The following GCNT1 variants were observed in gnomAD, a reference collection of about 807,000 sequenced individuals.
GCNT1 encodes the protein glucosaminyl (N-acetyl) transferase 1, also known as beta-1,3-galactosyl-O-glycosyl-glycoprotein beta-1,6-N-acetylglucosaminyltransferase.
A neutral mutation model predicts 26.2 loss-of-function variants in GCNT1; 16 were observed. The ratio of observed to expected loss-of-function variants is 0.61; its 90% CI spans 0.41 to 0.93. The LOEUF (loss-of-function observed/expected upper bound fraction) is 0.93. Ranked by LOEUF, GCNT1 falls within the 40% of genes least tolerant of loss-of-function variation. GCNT1 has a pLI of 0.00. For synonymous variants in GCNT1, 183 were observed against 190.8 expected (o/e 0.96, Z 0.34); for missense variants, 477 against 526.7 (o/e 0.91, Z 0.92).
chr9:76,404,658 C>A, the GCNT1 span, among the ~76,000 whole-genome samples: 1 of 152,064 alleles, frequency 6.6e-6, no homozygotes, highest in African/African-American at 2.4e-5. Context: ...AGAAGCTGGG[C>A]ATGATATAAG....
At chr9:76,431,332 C>T (rs1335946694) in intron 1 of GCNT1, among the ~76,000 whole-genome samples, 1 of 152,228 alleles carries the variant, frequency 6.6e-6, no homozygotes, top group African/African-American at 2.4e-5. Flanking sequence ...CATCCATACT[C>T]TGACCTACTC....
At chr9:76,399,274 C>T in the GCNT1 span, 2 of 1,438,950 alleles carry the variant, frequency 1.4e-6, no homozygotes, top group East Asian at 2.3e-5. Flanking sequence ...TTTCCTATGA[C>T]CACCCGTGGG....
chr9:76,480,821 T>C (rs1016190777), intron 2 of GCNT1, among the ~76,000 whole-genome samples: 1 of 152,236 alleles, frequency 6.6e-6, no homozygotes, highest in African/African-American at 2.4e-5. Context: ...TTCTTCTGTA[T>C]GTAAACTACA....
intron 2 of GCNT1, among the ~76,000 whole-genome samples, chr9:76,486,669 GAA>G (rs1423733378): frequency 1.3e-5 from 2 of 151,780 alleles, no homozygotes; most frequent in Non-Finnish European, 2.9e-5. Flanking sequence ...AGCCTTTTTT[GAA>G]AAATTGCTTA....
intron 2 of GCNT1, among the ~76,000 whole-genome samples, chr9:76,471,610 C>G (rs765554462): frequency 3.3e-5 from 5 of 152,062 alleles, no homozygotes; most frequent in Non-Finnish European, 7.4e-5. Flanking sequence ...AGAGGCATGG[C>G]TATAAAAATA....
the GCNT1 span, among the ~76,000 whole-genome samples, chr9:76,407,095 A>G: frequency 6.6e-6 from 1 of 151,918 alleles, no homozygotes; most frequent in East Asian, 1.9e-4. Context: ...ATTTTCTCCT[A>G]TGTTATCTTC....
intron 1 of GCNT1, among the ~76,000 whole-genome samples, chr9:76,429,187 T>C (rs1018215186): frequency 1.3e-5 from 2 of 152,188 alleles, no homozygotes; most frequent in Non-Finnish European, 2.9e-5. Context: ...CACTATAATA[T>C]ACATTTCTTC....
At chr9:76,453,573 T>G (rs1823706844) in intron 1 of GCNT1, among the ~76,000 whole-genome samples, 1 of 152,160 alleles carries the variant, frequency 6.6e-6, no homozygotes, top group South Asian at 2.1e-4. Context: ...ATGGCATTAG[T>G]GGATAGTCAG....
chr9:76,452,038 G>A (rs1823676351), intron 1 of GCNT1, among the ~76,000 whole-genome samples: 2 of 142,810 alleles, frequency 1.4e-5, no homozygotes, highest in South Asian at 4.4e-4. Context: ...GTGTGATCTC[G>A]GCTTACTGCA....
At chr9:76,396,296 CGT>C in the GCNT1 span, among the ~76,000 whole-genome samples, 1 of 152,138 alleles carries the variant, frequency 6.6e-6, no homozygotes, top group Non-Finnish European at 1.5e-5. Flanking sequence ...TTAACCTAAA[CGT>C]ATAAAAATGG....
chr9:76,413,246 C>A, the GCNT1 span, among the ~76,000 whole-genome samples: 1 of 152,184 alleles, frequency 6.6e-6, no homozygotes, highest in African/African-American at 2.4e-5. Flanking sequence ...ATAAACTGGA[C>A]ACAGGTCAGA....
chr9:76,455,518 G>A (rs1013730844), upstream of GCNT1, among the ~76,000 whole-genome samples: 6 of 152,112 alleles, frequency 3.9e-5, no homozygotes, highest in Non-Finnish European at 7.4e-5. Context: ...AAATACAGCC[G>A]GGAGAGGATG....
chr9:76,473,074 T>C (rs1824175222), intron 2 of GCNT1, among the ~76,000 whole-genome samples: 1 of 152,164 alleles, frequency 6.6e-6, no homozygotes, highest in Non-Finnish European at 1.5e-5. Context: ...TACGTCTTTG[T>C]TTCTTGTAAT....
intron 2 of GCNT1, among the ~76,000 whole-genome samples, chr9:76,486,328 A>T (rs1465991352): frequency 1.3e-5 from 2 of 152,194 alleles, no homozygotes; most frequent in African/African-American, 2.4e-5. Context: ...TTTTAGTGGC[A>T]TACTTCTCAT....
chr9:76,397,036 C>G, the GCNT1 span, among the ~76,000 whole-genome samples: 1 of 152,192 alleles, frequency 6.6e-6, no homozygotes, highest in Non-Finnish European at 1.5e-5. Flanking sequence ...AATCCCAGCA[C>G]TTTGGGAGAC....
At chr9:76,444,843 C>T (rs1453969059) in intron 1 of GCNT1, among the ~76,000 whole-genome samples, 1 of 152,156 alleles carries the variant, frequency 6.6e-6, no homozygotes, top group Non-Finnish European at 1.5e-5. Flanking sequence ...CACCTTCTTC[C>T]CTGACCACAG....
At chr9:76,481,845 A>C (rs997641670) in intron 2 of GCNT1, among the ~76,000 whole-genome samples, 1 of 152,188 alleles carries the variant, frequency 6.6e-6, no homozygotes, top group African/African-American at 2.4e-5. Flanking sequence ...GCAGAGGATC[A>C]GCATTTTTCT....
rs1194003045 is a variant in GCNT1, at chr9:76,425,137, TAAAAAAAAAAAA to T, written n.38+5262_38+5273del. On this transcript the variant is annotated intron_variant and non_coding_transcript_variant, in intron 1 of 3. Coordinates refer to the GCNT1 transcript ENST00000488136. ...CTGGATGACAGAACGAAACTCCGTC[TAAAAAAAAAAAA>T]AAAAAAAAAAAGACATTGAACCATC... Among the ~76,000 whole-genome samples the T allele has an allele frequency of 5.5e-5, 4 of 73,034 alleles. No homozygotes were observed. The South Asian group carries it at 2.3e-3, about 42-fold the overall frequency. The allele number at this position is 73,034 out of a possible 152,430, so 47.9% of individuals were successfully genotyped here. A position where few individuals can be genotyped will look rare whatever the true frequency, so the allele number is the denominator to read the frequency against.
At chr9:76,495,502 C>G (rs550154476) in intron 2 of GCNT1, among the ~76,000 whole-genome samples, 1 of 152,272 alleles carries the variant, frequency 6.6e-6, no homozygotes. Context: ...CTTGGGTGGC[C>G]AGCTTTTATT....
Sources: gnomAD v4.1 joint callset for allele counts (sites outside exome capture counted in the v4.1 genomes callset) on GRCh38, gnomAD v4.1.1 for gene constraint, MANE v1.5 for transcripts, NCBI Gene and HGNC (gene_info 2026-07-23, HGNC 2026-07-21) for gene names.